RYR3: variants seen among roughly 807,000 people sequenced by gnomAD.
The protein encoded by RYR3 is ryanodine receptor 3.
RYR3 carries 207 observed loss-of-function variants against 584.3 expected under a neutral mutation model. The observed-to-expected ratio is 0.35, with a 90% CI of 0.32 to 0.40. The LOEUF (loss-of-function observed/expected upper bound fraction) is 0.40. Among genes scored for constraint, RYR3 ranks in the 10% least tolerant of loss-of-function variants. RYR3 has a pLI of 1.00. For missense variants in RYR3, 5,616 were observed against 6,089.2 expected (o/e 0.92, Z 2.59); for synonymous variants, 2,416 against 2,248.5 (o/e 1.07, Z -2.11).
At chr15:33,653,014 A>C (rs933037448) in intron 32 of RYR3, 131 bp downstream of exon 32, 2 of 796,442 alleles carry the variant, frequency 2.5e-6, no homozygotes, top group African/African-American at 3.5e-5. Context: ...GCCATGGGCC[A>C]CTTAGGACAA....
At position 33,789,942 on chromosome 15, in the gene RYR3, G is replaced by C. The variant is rs1194789482; in HGVS notation, c.9830+1484G>C. ...CCGCCTGCCTCGGCTTCCCCAAACTGTTGGGATTACAGATTACAGGCGTGA... is the reference window on the plus strand; with the variant it reads ...CCGCCTGCCTCGGCTTCCCCAAACTCTTGGGATTACAGATTACAGGCGTGA... On this transcript the variant is annotated intron_variant, in intron 67 of 103. Coordinates refer to ENST00000634891, the MANE Select transcript of RYR3 (RefSeq NM_001036.6). Among the ~76,000 whole-genome samples the C allele has an allele frequency of 2.2e-5, 3 of 137,198 alleles. No individual in the cohort carries two copies. The East Asian group carries it at 6.6e-4, about 30-fold the overall frequency. 90.0% of individuals were successfully genotyped at this position (137,198 alleles called of 152,430 possible).
At chr15:33,749,590 C>T (rs558007455) in intron 55 of RYR3, among the ~76,000 whole-genome samples, 1 of 152,282 alleles carries the variant, frequency 6.6e-6, no homozygotes, top group African/African-American at 2.4e-5. Flanking sequence ...AAGCTATAGG[C>T]TTTCGGGGGT....
chr15:33,731,448 C>T (rs1229238858), intron 47 of RYR3, 26 bp from the exon 48 acceptor site: 3 of 1,551,736 alleles, frequency 1.9e-6, no homozygotes, highest in Non-Finnish European at 2.6e-6. Context: ...GGGCAATTAA[C>T]CTGTGTCCCA....
chr15:33,684,350 CAG>C (rs912447430), intron 38 of RYR3, among the ~76,000 whole-genome samples: 2 of 152,178 alleles, frequency 1.3e-5, no homozygotes, highest in African/African-American at 4.8e-5. Context: ...CCCAGGCAAA[CAG>C]AGTCTGGAGT....
chr15:33,379,173 G>C (rs2040970920), intron 1 of RYR3, among the ~76,000 whole-genome samples: 1 of 152,156 alleles, frequency 6.6e-6, no homozygotes, highest in Non-Finnish European at 1.5e-5. Context: ...AGTACAAGCA[G>C]TTCTGGCTAC....
At chr15:33,702,971 AG>A (rs1436021104) in intron 42 of RYR3, among the ~76,000 whole-genome samples, 2 of 152,054 alleles carry the variant, frequency 1.3e-5, no homozygotes, top group Admixed American at 6.5e-5. Context: ...AAAGAGAGAG[AG>A]GGGTTGTCTT....
intron 47 of RYR3, among the ~76,000 whole-genome samples, chr15:33,729,812 T>C (rs940593298): frequency 7.9e-5 from 12 of 152,214 alleles, no homozygotes; most frequent in African/African-American, 2.7e-4. Flanking sequence ...TTTTTAGTTA[T>C]AACATTTCTC....
At chr15:33,729,415 A>G (rs966826987) in intron 47 of RYR3, among the ~76,000 whole-genome samples, 1 of 152,118 alleles carries the variant, frequency 6.6e-6, no homozygotes, top group African/African-American at 2.4e-5. Context: ...CTCGGGGACA[A>G]AATCACCCTC....
chr15:33,469,883 C>A (rs887106186), intron 1 of RYR3, among the ~76,000 whole-genome samples: 2 of 152,060 alleles, frequency 1.3e-5, no homozygotes, highest in African/African-American at 4.8e-5. Context: ...GGGAAGGATC[C>A]AACAGAAAGG....
At chr15:33,716,556 A>C (rs2099843552) in intron 43 of RYR3, among the ~76,000 whole-genome samples, 1 of 152,020 alleles carries the variant, frequency 6.6e-6, no homozygotes, top group African/African-American at 2.4e-5. Context: ...CAGTCAAAAC[A>C]GTACCAGTAA....
intron 1 of RYR3, among the ~76,000 whole-genome samples, chr15:33,318,805 T>A (rs1228111231): frequency 6.6e-6 from 1 of 152,196 alleles, no homozygotes; most frequent in African/African-American, 2.4e-5. Context: ...AACAGTAAGA[T>A]AAGGTGACTC....
intron 98 of RYR3, among the ~76,000 whole-genome samples, chr15:33,855,311 C>G (rs971058670): frequency 3.9e-5 from 6 of 152,150 alleles, no homozygotes; most frequent in African/African-American, 9.7e-5. Flanking sequence ...TCAAGCAATT[C>G]TCCTGCCTCA....
intron 2 of RYR3, among the ~76,000 whole-genome samples, chr15:33,478,667 A>T (rs1056661713): frequency 2.0e-5 from 3 of 152,344 alleles, no homozygotes; most frequent in Non-Finnish European, 4.4e-5. Flanking sequence ...TTAAAAAGTC[A>T]TAACACTTAC....
At chr15:33,713,710 C>G (rs761898507) in intron 43 of RYR3, among the ~76,000 whole-genome samples, 20 of 152,186 alleles carry the variant, frequency 1.3e-4, no homozygotes, top group African/African-American at 4.8e-4. Flanking sequence ...AAATTTATCT[C>G]TTACACTTCT....
chr15:33,857,839 C>T lies in RYR3; in HGVS notation c.14067C>T (p.Phe4689=). 1 of 1,614,206 alleles carries T rather than the reference C, an allele frequency of 6.2e-7. No individual in the cohort carries two copies. Among genetic ancestry groups the T allele is most frequent in the South Asian group, 1.1e-5 (1 of 91,086 alleles). ...VVVYLYTVVA[F]NFFRKFYNKS... is the part of the protein sequence containing the mutation. ...TTTATCTCTATACTGTGGTGGCTTT[C>T]AACTTCTTCCGCAAGTTCTACAACA... Residue 4689 remains phenylalanine, a synonymous_variant, in exon 99 of 104, where the codon TTC becomes TTT. Coordinates refer to ENST00000634891, the MANE Select transcript of RYR3 (RefSeq NM_001036.6).
chr15:33,751,477 A>G (rs1359802383), intron 57 of RYR3, among the ~76,000 whole-genome samples: 2 of 152,066 alleles, frequency 1.3e-5, no homozygotes. Flanking sequence ...GCATTTCTCT[A>G]ATGACCAGTG....
intron 3 of RYR3, among the ~76,000 whole-genome samples, chr15:33,521,611 G>C (rs2053988838): frequency 6.6e-6 from 1 of 152,136 alleles, no homozygotes; most frequent in Non-Finnish European, 1.5e-5. Context: ...GTGCCTTTCT[G>C]TGCACTGCTT....
chr15:33,311,093 G>C lies in RYR3; in HGVS notation c.48G>C (p.Arg16Ser), dbSNP rs1432081207. The C allele has an allele frequency of 6.3e-7, 1 of 1,577,930 alleles. No homozygotes were observed. The highest frequency in any genetic ancestry group is 8.6e-7 in the Non-Finnish European group (1 of 1,164,040). ...GCGAGGACGAGATCCAGTTTCTGAG[G>C]ACTGTGAGTCTCCGCGGCGGGGGCG... Reference protein sequence around the residue: ...EGGEDEIQFLRTEDEVVLQCI... With the variant: ...EGGEDEIQFLSTEDEVVLQCI... Residue 16 changes from arginine to serine, a missense_variant, in exon 1 of 104, where the codon AGG becomes AGC. Physicochemically the swap from Arg to Ser is moderately radical, Grantham distance 110. Coordinates refer to ENST00000634891, the MANE Select transcript of RYR3 (RefSeq NM_001036.6). The surrounding 1 kb of genome is among the most constrained non-coding windows in gnomAD (Gnocchi z 4.4).
At chr15:33,407,524 C>T (rs542671028) in intron 1 of RYR3, among the ~76,000 whole-genome samples, 8 of 152,120 alleles carry the variant, frequency 5.3e-5, no homozygotes, top group Non-Finnish European at 8.8e-5. Flanking sequence ...GCCAGATCAC[C>T]TGGGGCCTTG....
Sources: allele counts gnomAD v4.1 joint callset (sites outside exome capture counted in the v4.1 genomes callset), GRCh38; gene constraint gnomAD v4.1.1; non-coding constraint Gnocchi (gnomAD v3.1); transcripts MANE v1.5; gene names NCBI Gene and HGNC (gene_info 2026-07-23, HGNC 2026-07-21).